The following LARP1B variants were observed in gnomAD, a reference collection of about 807,000 sequenced individuals.
LARP1B encodes la-related protein 1B.
In LARP1B, 76 loss-of-function variants were observed where a neutral mutation model predicts 114.2. The observed-to-expected ratio is 0.67, with a 90% CI of 0.55 to 0.81. The LOEUF (loss-of-function observed/expected upper bound fraction) is 0.81. Among genes scored for constraint, LARP1B ranks in the 30% least tolerant of loss-of-function variants. LARP1B has a pLI of 0.00. For synonymous variants in LARP1B, 345 were observed against 348.0 expected, an observed-to-expected ratio of 0.99 and a Z score of 0.10; for missense variants, 1,014 against 1,075.8, an observed-to-expected ratio of 0.94 and a Z score of 0.80.
rs1297903831 is a variant in LARP1B at position 128,210,618 on chromosome 4, A to G, written c.*565A>G. ...TATCCCTTTGAGACATATAGTTTAA[A>G]GAAAACTTTTTTTAAAACAAAAGTA... On this transcript the variant is annotated 3_prime_UTR_variant, in exon 20 of 20. Coordinates refer to ENST00000326639, the MANE Select transcript of LARP1B (RefSeq NM_018078.4). 2.1e-6 allele frequency: 2 copies of G among 938,874 alleles called. No individual in the cohort carries two copies. Among genetic ancestry groups the G allele is most frequent in the Non-Finnish European group, 2.5e-6 (2 of 787,772 alleles). 58.2% of individuals were successfully genotyped at this position (938,874 alleles called of 1,614,324 possible).
chr4:128,191,030 T>C (rs935067599), intron 15 of LARP1B, among the ~76,000 whole-genome samples: 2 of 152,206 alleles, frequency 1.3e-5, no homozygotes, highest in African/African-American at 4.8e-5. Flanking sequence ...TCCAATAGGC[T>C]GTATTTGAGC....
In LARP1B at chr4:128,178,632, T is replaced by C. The variant is rs138255092; in HGVS notation, c.1886T>C (p.Ile629Thr). 98 of 1,612,968 alleles carry C rather than the reference T, an allele frequency of 6.1e-5. No individual in the cohort carries two copies. The highest frequency in any genetic ancestry group is 7.9e-5 in the Non-Finnish European group (93 of 1,179,126). The change falls in exon 14 of 20, where the codon ATT becomes ACT. Residue 629 changes from isoleucine (I) to threonine (T), a missense_variant. Transcript: ENST00000326639. ...FYPVVKEPKA[I>T]DVKSPRKRKT... Reference sequence around the variant, plus strand: ...CCTGTTGTTAAAGAACCAAAAGCCATTGATGTAAAGGTATACAAAACAACC... The same window carrying C: ...CCTGTTGTTAAAGAACCAAAAGCCACTGATGTAAAGGTATACAAAACAACC...
At chr4:128,065,315 T>TTCTCTC (rs1197451841) in intron 1 of LARP1B, among the ~76,000 whole-genome samples, 1 of 80,592 alleles carries the variant, frequency 1.2e-5, no homozygotes, top group African/African-American at 4.5e-5. Context: ...CTTTCTTTCT[T>TTCTCTC]TCTCTCTCTC....
chr4:128,136,474 CTTCAAA>C (rs766787835), intron 11 of LARP1B, among the ~76,000 whole-genome samples: 8 of 152,040 alleles, frequency 5.3e-5, no homozygotes, highest in Admixed American at 2.0e-4. Context: ...GAGGAGATAA[CTTCAAA>C]TTCAATGTAT....
At chr4:128,134,518 C>G (rs1431325308) in intron 11 of LARP1B, among the ~76,000 whole-genome samples, 1 of 152,134 alleles carries the variant, frequency 6.6e-6, no homozygotes, top group Non-Finnish European at 1.5e-5. Context: ...TTGGGGAAGG[C>G]CTTCATGATC....
intron 6 of LARP1B, 45 bp from the exon 7 acceptor site, chr4:128,091,281 CTTTATCCGTAGTAACTATTTT>C: frequency 5.3e-6 from 8 of 1,515,264 alleles, no homozygotes; most frequent in Non-Finnish European, 7.2e-6. Context: ...AAGTTCTTCA[CTTTATCCGTAGTAACTATTTT>C]TTTCTAATAT....
chr4:128,141,735 CGTT>C (rs1419409896), intron 11 of LARP1B, among the ~76,000 whole-genome samples: 1 of 152,074 alleles, frequency 6.6e-6, no homozygotes, highest in African/African-American at 2.4e-5. Context: ...TCAGCAAGCA[CGTT>C]GTTGAGAGGT....
intron 17 of LARP1B, among the ~76,000 whole-genome samples, chr4:128,201,700 A>AT (rs1756000759): frequency 6.6e-6 from 1 of 152,154 alleles, no homozygotes; most frequent in African/African-American, 2.4e-5. Flanking sequence ...TTCCTTCAGA[A>AT]ATGTTCATGG....
At chr4:128,071,152 T>C (rs887067174) in intron 1 of LARP1B, among the ~76,000 whole-genome samples, 1 of 151,878 alleles carries the variant, frequency 6.6e-6, no homozygotes, top group African/African-American at 2.4e-5. Flanking sequence ...GTTCATGCCA[T>C]TCTCCTGCCT....
At chr4:128,129,407 T>C (rs1056193180) in intron 11 of LARP1B, among the ~76,000 whole-genome samples, 5 of 151,688 alleles carry the variant, frequency 3.3e-5, no homozygotes, top group African/African-American at 4.8e-5. Context: ...GTTCATATTA[T>C]AGATAGGAAG....
chr4:128,186,581 C>T (rs1045590428), intron 15 of LARP1B, among the ~76,000 whole-genome samples: 14 of 152,190 alleles, frequency 9.2e-5, no homozygotes, highest in Admixed American at 2.6e-4. Context: ...AGATCATCTG[C>T]AGGCAAGGAT....
intron 11 of LARP1B, among the ~76,000 whole-genome samples, chr4:128,132,762 G>T (rs1394501030): frequency 6.6e-6 from 1 of 151,912 alleles, no homozygotes; most frequent in Non-Finnish European, 1.5e-5. Flanking sequence ...GGACTGGGGG[G>T]CATGGTTTTG....
chr4:128,129,422 A>G (rs1256305152), intron 11 of LARP1B, among the ~76,000 whole-genome samples: 1 of 151,994 alleles, frequency 6.6e-6, no homozygotes, highest in Non-Finnish European at 1.5e-5. Context: ...AGGAAGACTC[A>G]ATAATGTCAT....
At chr4:128,180,975 G>T (rs1469502516) in intron 15 of LARP1B, among the ~76,000 whole-genome samples, 1 of 152,050 alleles carries the variant, frequency 6.6e-6, no homozygotes, top group Non-Finnish European at 1.5e-5. Context: ...GTTTGCCAGT[G>T]TATCTTTTTC....
rs139174598 is a variant in LARP1B at position 128,109,076 on chromosome 4, T to G, written c.988+1763T>G. ...GGAAGATGGAGGGTTCTTAGAATTA[T>G]GCTGATTCACATTAGGTCATAGGAA... On this transcript the variant is annotated intron_variant, in intron 9 of 19. Transcript: ENST00000326639. Among the ~76,000 whole-genome samples, 1,056 of 152,302 alleles carry G rather than the reference T, an allele frequency of 6.9e-3. 17 individuals carry two copies. Among genetic ancestry groups the G allele is most frequent in the African/African-American group, 0.024 (985 of 41,586 alleles).
At chr4:128,189,187 A>C (rs1751355157) in intron 15 of LARP1B, among the ~76,000 whole-genome samples, 1 of 148,814 alleles carries the variant, frequency 6.7e-6, no homozygotes, top group Non-Finnish European at 1.5e-5. Context: ...AATTGGGTGC[A>C]TATATTTTTA....
rs558089854 is a variant in LARP1B at position 128,201,225 on chromosome 4, A to G, written c.2309+560A>G. Among the ~76,000 whole-genome samples, 25 of 152,344 alleles carry G rather than the reference A, an allele frequency of 1.6e-4. No individual in the cohort carries two copies. In the South Asian group the frequency reaches 4.6e-3, roughly 28 times the overall value. ...CATACCATTATTTCTGCCATATTGT[A>G]TAGTCCATACAGACCAGTCCTGGTA... On this transcript the variant is annotated intron_variant, in intron 17 of 19. Coordinates refer to ENST00000326639, the MANE Select transcript of LARP1B (RefSeq NM_018078.4).
chr4:128,108,840 A>G (rs1367932939), intron 9 of LARP1B: 1 of 982,264 alleles, frequency 1.0e-6, no homozygotes, highest in Non-Finnish European at 1.2e-6. Context: ...AGGTCAGTCA[A>G]GTTGGTAATG....
chr4:128,222,471 A>G (rs1037260308), exon 8 of LARP1B: 9 of 413,148 alleles, frequency 2.2e-5, no homozygotes, highest in Non-Finnish European at 4.0e-5. Flanking sequence ...CCCACCCCAC[A>G]TCAATGCCAC....
Sources: allele counts gnomAD v4.1 joint callset (sites outside exome capture counted in the v4.1 genomes callset), GRCh38; gene constraint gnomAD v4.1.1; transcripts MANE v1.5; gene names NCBI Gene and HGNC (gene_info 2026-07-23, HGNC 2026-07-21).